Variants in SOX5 observed in about 807,000 individuals in gnomAD.
SOX5 encodes transcription factor SOX-5.
SOX5 carries 9 observed loss-of-function variants against 92.0 expected under a neutral mutation model. That is an observed-to-expected ratio of 0.10 (90% CI 0.06 to 0.17). The LOEUF (loss-of-function observed/expected upper bound fraction) is 0.17, where lower values mean the gene tolerates loss of function less well. Ranked by LOEUF, SOX5 falls within the 10% of genes least tolerant of loss-of-function variation. SOX5 has a pLI of 1.00. For missense variants in SOX5, 642 were observed against 944.5 expected, an observed-to-expected ratio of 0.68 and a Z score of 4.20; for synonymous variants, 344 against 336.3, an observed-to-expected ratio of 1.02 and a Z score of -0.25.
At chr12:23,997,884 T>C (rs1036230559) in intron 4 of SOX5, among the ~76,000 whole-genome samples, 3 of 152,140 alleles carry the variant, frequency 2.0e-5, no homozygotes, top group Non-Finnish European at 2.9e-5. Flanking sequence ...AGAGACAACA[T>C]AGAATTTCCA....
At chr12:24,047,990 G>T (rs35940531) in intron 4 of SOX5, among the ~76,000 whole-genome samples, 28,691 of 152,102 alleles carry the variant, frequency 0.19, 3,130 homozygotes, top group Middle Eastern at 0.32. Flanking sequence ...AGCCAAGAAG[G>T]TTCTCAGGTG....
chr12:24,393,245 T>C lies in SOX5; in HGVS notation c.-250-24606A>G, dbSNP rs1272247517. Among the ~76,000 whole-genome samples the C allele has an allele frequency of 6.6e-6, 1 of 152,192 alleles. No homozygotes were observed. Among genetic ancestry groups the C allele is most frequent in the African/African-American group, 2.4e-5 (1 of 41,446 alleles). On this transcript the variant is annotated intron_variant, in intron 1 of 4. Coordinates refer to the SOX5 transcript ENST00000446891. The surrounding 1 kb of genome is among the most constrained non-coding windows in gnomAD (Gnocchi z 5.0). ...GCTAGCAGACAAATCCTGTTCCCCATTCTAAATTCTGTCTACTAAACAAAT... is the reference window on the plus strand; with the variant it reads ...GCTAGCAGACAAATCCTGTTCCCCACTCTAAATTCTGTCTACTAAACAAAT...
intron 2 of SOX5, among the ~76,000 whole-genome samples, chr12:24,305,514 T>C (rs927727038): frequency 6.6e-6 from 1 of 152,228 alleles, no homozygotes; most frequent in Admixed American, 6.5e-5. Flanking sequence ...CTCATTGGAT[T>C]TGGCTAACAA....
chr12:23,665,323 C>T (rs1306161221), intron 7 of SOX5, 121 bp downstream of exon 7: 20 of 1,089,876 alleles, frequency 1.8e-5, no homozygotes, highest in Non-Finnish European at 2.6e-5. Context: ...TGTGTGTTTC[C>T]TCTTTAAAAT....
At chr12:24,070,018 AC>A (rs1238802407) in intron 4 of SOX5, among the ~76,000 whole-genome samples, 1 of 152,116 alleles carries the variant, frequency 6.6e-6, no homozygotes, top group East Asian at 1.9e-4. Flanking sequence ...TCTGTCAACA[AC>A]CGGGGAGAGC....
At chr12:23,621,400 T>A (rs960760072) in intron 8 of SOX5, among the ~76,000 whole-genome samples, 3 of 152,140 alleles carry the variant, frequency 2.0e-5, no homozygotes, top group Admixed American at 2.0e-4. Flanking sequence ...ACATTGTATA[T>A]AATGCTACAC....
At chr12:23,920,837 A>C (rs2138815047) in intron 1 of SOX5, among the ~76,000 whole-genome samples, 1 of 152,324 alleles carries the variant, frequency 6.6e-6, no homozygotes, top group South Asian at 2.1e-4. Context: ...TCAAAACAAA[A>C]GTATCCTGTT....
At chr12:24,064,139 G>A (rs559097237) in intron 4 of SOX5, among the ~76,000 whole-genome samples, 1 of 152,302 alleles carries the variant, frequency 6.6e-6, no homozygotes, top group East Asian at 1.9e-4. Context: ...TTGAATTGGA[G>A]ACACCAACAA....
chr12:24,111,549 C>T (rs1321094834), intron 4 of SOX5, among the ~76,000 whole-genome samples: 1 of 152,106 alleles, frequency 6.6e-6, no homozygotes, highest in African/African-American at 2.4e-5. Flanking sequence ...AGCTCAAAAT[C>T]GATGTTTCTC....
intron 1 of SOX5, among the ~76,000 whole-genome samples, chr12:24,510,447 C>T (rs1373313532): frequency 6.6e-6 from 1 of 152,062 alleles, no homozygotes; most frequent in African/African-American, 2.4e-5. Flanking sequence ...AGAGTTATGC[C>T]CCCAAATGCT....
chr12:24,051,993 C>A (rs1957604457), intron 4 of SOX5, among the ~76,000 whole-genome samples: 1 of 152,180 alleles, frequency 6.6e-6, no homozygotes, highest in Admixed American at 6.5e-5. Flanking sequence ...TCTTATTTAA[C>A]CTCTCCTTAG....
chr12:23,804,918 TATATATA>T (rs2095736966), intron 3 of SOX5, among the ~76,000 whole-genome samples: 31 of 4,024 alleles, frequency 7.7e-3, no homozygotes, highest in African/African-American at 0.019. Flanking sequence ...CATTGTTTTA[TATATATA>T]TATATATATA....
At chr12:23,771,878 G>A (rs2094946461) in intron 3 of SOX5, among the ~76,000 whole-genome samples, 1 of 152,176 alleles carries the variant, frequency 6.6e-6, no homozygotes, top group African/African-American at 2.4e-5. Context: ...CAAAGAGGCT[G>A]CTTTAACCCA....
chr12:23,690,101 A>G (rs2088478551), intron 6 of SOX5, among the ~76,000 whole-genome samples: 1 of 152,148 alleles, frequency 6.6e-6, no homozygotes, highest in African/African-American at 2.4e-5. Flanking sequence ...CCTATTCAAC[A>G]TTCAGTTCAG....
At chr12:24,151,501 T>C (rs1951647622) in intron 4 of SOX5, among the ~76,000 whole-genome samples, 1 of 152,182 alleles carries the variant, frequency 6.6e-6, no homozygotes, top group African/African-American at 2.4e-5. Context: ...AAGTCCTCTC[T>C]GATACATTTG....
intron 3 of SOX5, among the ~76,000 whole-genome samples, chr12:24,232,063 C>T (rs1963508730): frequency 6.6e-6 from 1 of 152,074 alleles, no homozygotes; most frequent in African/African-American, 2.4e-5. Flanking sequence ...TTCTAAAATC[C>T]ACTTCAGATG....
chr12:24,309,473 T>G (rs117190884), intron 2 of SOX5, among the ~76,000 whole-genome samples: 5,519 of 152,276 alleles, frequency 0.036, 147 homozygotes, highest in Non-Finnish European at 0.055. Context: ...AAAGTTGATC[T>G]TATCAAAACT....
chr12:23,565,413 A>G (rs4471533), intron 10 of SOX5, among the ~76,000 whole-genome samples: 143,710 of 152,232 alleles, frequency 0.94, 68,394 homozygotes, highest in East Asian at 1. Flanking sequence ...CTGTTTATAC[A>G]CAACCTGGCA....
intron 1 of SOX5, among the ~76,000 whole-genome samples, chr12:24,467,153 G>C (rs896931164): frequency 5.3e-5 from 8 of 152,116 alleles, no homozygotes; most frequent in African/African-American, 1.4e-4. Flanking sequence ...ATCCTAACCT[G>C]AAACTCCAAA....
Sources: gnomAD v4.1 joint callset for allele counts (sites outside exome capture counted in the v4.1 genomes callset) on GRCh38, gnomAD v4.1.1 for gene constraint, Gnocchi (gnomAD v3.1) non-coding constraint, MANE v1.5 for transcripts, NCBI Gene and HGNC (gene_info 2026-07-23, HGNC 2026-07-21) for gene names.